The following TIGAR variants were observed in gnomAD, a reference collection of about 807,000 sequenced individuals.
The protein encoded by TIGAR is TP53 induced glycolysis regulatory phosphatase.
Under a neutral mutation model 17.9 loss-of-function variants are expected in TIGAR, and 7 were observed. The observed-to-expected ratio is 0.39, with a 90% CI of 0.22 to 0.73. The LOEUF (loss-of-function observed/expected upper bound fraction) is 0.73. TIGAR is among the 30% of genes least tolerant of loss of function. The probability of loss-of-function intolerance (pLI) is 0.42; values close to 1 mark genes in which losing one functional copy is unlikely to be tolerated. For synonymous variants in TIGAR, 94 were observed against 108.6 expected, an observed-to-expected ratio of 0.87 and a Z score of 0.84; for missense variants, 258 against 327.4, an observed-to-expected ratio of 0.79 and a Z score of 1.64.
intron 1 of TIGAR, chr12:4,324,246 A>G (rs1864511602): frequency 1.6e-6 from 1 of 613,710 alleles, no homozygotes; most frequent in Admixed American, 2.9e-5. Flanking sequence ...CCTATCCAGC[A>G]CTACTGAAGG....
At position 4,352,428 on chromosome 12, in the gene TIGAR, A is replaced by C. The variant is rs146134651; in HGVS notation, c.550A>C (p.Ser184Arg). Residue 184 changes from serine (S) to arginine (R), a missense_variant, in exon 6 of 6, where the codon AGC becomes CGC. By Grantham distance (110) the Ser-to-Arg change is moderately radical (BLOSUM62 -1). Coordinates refer to ENST00000179259, the MANE Select transcript of TIGAR (RefSeq NM_020375.3). Reference sequence around the variant, plus strand: ...TCACAGCTCTAAAGTTAATTCAGACAGCGGTATTCCAGGATTAGCAGCCAG... The same window carrying C: ...TCACAGCTCTAAAGTTAATTCAGACCGCGGTATTCCAGGATTAGCAGCCAG... ...KNHSSKVNSD[S>R]GIPGLAASVL... The C allele has an allele frequency of 7.1e-5, 114 of 1,614,204 alleles. No homozygotes were observed. The African/African-American group carries it at 1.3e-3, about 18-fold the overall frequency.
chr12:4,354,758 G>GTC lies in TIGAR; in HGVS notation c.*2075_*2076dup, dbSNP rs1565452141. ...CTTTTTTTTTTTTTTTGGAGACAGA[G>GTC]TCTCTCTCTGTTGCCCAGGCTGGGG... On this transcript the variant is annotated 3_prime_UTR_variant, in exon 6 of 6. Transcript: ENST00000179259. Among the ~76,000 whole-genome samples, 3 of 144,396 alleles carry GTC rather than the reference G, an allele frequency of 2.1e-5. No homozygotes were observed. Among genetic ancestry groups the GTC allele is most frequent in the African/African-American group, 7.7e-5 (3 of 38,792 alleles). 94.7% of individuals were successfully genotyped at this position (144,396 alleles called of 152,430 possible).
chr12:4,321,238 C>A lies in TIGAR; in HGVS notation c.-34C>A, dbSNP rs758697931. On this transcript the variant is annotated 5_prime_UTR_variant, in exon 1 of 6. Coordinates refer to ENST00000179259, the MANE Select transcript of TIGAR (RefSeq NM_020375.3). The surrounding 1 kb of genome is among the most constrained non-coding windows in gnomAD (Gnocchi z 5.2). ...AGCCCGCAGTGCAGGGGCAGCGCGGCGCGGGGCCACCGACGGGACGCGGCT... is the reference window on the plus strand; with the variant it reads ...AGCCCGCAGTGCAGGGGCAGCGCGGAGCGGGGCCACCGACGGGACGCGGCT... 5.6e-6 allele frequency: 9 copies of A among 1,599,142 alleles called. No homozygotes were observed. In the East Asian group the frequency reaches 1.1e-4, roughly 20 times the overall value.
Position 4,358,223 on chromosome 12 carries a change from C to G in TIGAR, c.*5532C>G, listed in dbSNP as rs1241023353. 6.6e-6 allele frequency among the ~76,000 whole-genome samples: 1 copy of G among 150,444 alleles called. No homozygotes were observed. Among genetic ancestry groups the G allele is most frequent in the Non-Finnish European group, 1.5e-5 (1 of 67,292 alleles). On this transcript the variant is annotated 3_prime_UTR_variant, in exon 6 of 6. Transcript: ENST00000179259. The stretch of plus-strand genomic sequence containing the variant: ...ATTACCTGAGGTCAGGAGTTCAAGA[C>G]CAGCCTGGCCAACATGGTGAAACCC...
intron 3 of TIGAR, among the ~76,000 whole-genome samples, chr12:4,340,288 G>A (rs911782171): frequency 1.3e-5 from 2 of 152,102 alleles, no homozygotes; most frequent in Non-Finnish European, 1.5e-5. Context: ...AAAAGAAGAA[G>A]TAATCTCATT....
chr12:4,352,729 C>A lies in TIGAR; in HGVS notation c.*38C>A. The A allele has an allele frequency of 6.4e-7, 1 of 1,559,502 alleles. No homozygotes were observed. Among genetic ancestry groups the A allele is most frequent in the Non-Finnish European group, 8.6e-7 (1 of 1,157,072 alleles). On this transcript the variant is annotated 3_prime_UTR_variant, in exon 6 of 6. Transcript: ENST00000179259. ...ATCAAAATCTAACCATTTTGAGCCT[C>A]TGAAGGGAGTGCCATTGGCTTTATT...
At chr12:4,340,746 T>C (rs778861752) in intron 3 of TIGAR, among the ~76,000 whole-genome samples, 1 of 152,180 alleles carries the variant, frequency 6.6e-6, no homozygotes, top group African/African-American at 2.4e-5. Context: ...AATCCATGCA[T>C]CTGCAGCAAA....
chr12:4,342,675 C>T (rs1261331279), intron 3 of TIGAR, among the ~76,000 whole-genome samples: 1 of 152,134 alleles, frequency 6.6e-6, no homozygotes, highest in Non-Finnish European at 1.5e-5. Context: ...CCTTTACAGA[C>T]AAGCAAATGC....
rs966695830 is a variant in TIGAR, at chr12:4,358,813, C to T, written c.*6122C>T. On this transcript the variant is annotated 3_prime_UTR_variant, in exon 6 of 6. Coordinates refer to ENST00000179259, the MANE Select transcript of TIGAR (RefSeq NM_020375.3). ...GTTGTCATGTTTCTTCATGTCCTTC[C>T]GTCTACTCCTTTGCCTTCCTTTGCC... Among the ~76,000 whole-genome samples, 9 of 151,590 alleles carry T rather than the reference C, an allele frequency of 5.9e-5. No homozygotes were observed. Among genetic ancestry groups the T allele is most frequent in the Admixed American group, 2.6e-4 (4 of 15,208 alleles).
At chr12:4,324,694 G>A (rs1415844257) in intron 1 of TIGAR, 2 of 913,526 alleles carry the variant, frequency 2.2e-6, no homozygotes, top group Non-Finnish European at 3.5e-6. Context: ...CCGCTGGCAC[G>A]CACTGTACAG....
At chr12:4,322,106 C>T (rs1178464207) in intron 1 of TIGAR, among the ~76,000 whole-genome samples, 1 of 152,164 alleles carries the variant, frequency 6.6e-6, no homozygotes, top group Non-Finnish European at 1.5e-5. Flanking sequence ...AAGCGATTCT[C>T]CTGCTTCAGC....
At chr12:4,325,871 G>A (rs892747593) in intron 1 of TIGAR, among the ~76,000 whole-genome samples, 2 of 152,274 alleles carry the variant, frequency 1.3e-5, no homozygotes, top group East Asian at 1.9e-4. Flanking sequence ...TATCAGGTGA[G>A]GGTTTACATT....
chr12:4,321,875 CAAAT>C lies in TIGAR; in HGVS notation c.32+577_32+580del, dbSNP rs1864481987. ...CTGATCTCAGCAGACCGTATCATCCCAAATAAATGTTTTTATTATCATAACGTTA... is the reference window on the plus strand; with the variant it reads ...CTGATCTCAGCAGACCGTATCATCCCAAATGTTTTTATTATCATAACGTTA... On this transcript the variant is annotated intron_variant, in intron 1 of 5. Coordinates refer to ENST00000179259, the MANE Select transcript of TIGAR (RefSeq NM_020375.3). This position sits in a 1 kb window ranked among gnomAD's most constrained non-coding sequence, Gnocchi z 5.2. 2.0e-5 allele frequency among the ~76,000 whole-genome samples: 3 copies of C among 152,286 alleles called. No individual in the cohort carries two copies. In the South Asian group the frequency reaches 6.2e-4, roughly 32 times the overall value.
rs1405831898 is a variant in TIGAR at position 4,354,416 on chromosome 12, C to G, written c.*1725C>G. The G allele has an allele frequency of 2.0e-5, 3 of 152,026 alleles. No individual in the cohort carries two copies. Among genetic ancestry groups the G allele is most frequent in the Non-Finnish European group, 4.4e-5 (3 of 68,024 alleles). The allele number at this position is 152,026 out of a possible 1,614,324, so 9.4% of individuals were successfully genotyped here. ...AAAGTAGAGTTCTCTTTAACCAGCT[C>G]TCACAGTCCTGTTCCCTCCAGAGGC... On this transcript the variant is annotated 3_prime_UTR_variant, in exon 6 of 6. Coordinates refer to ENST00000179259, the MANE Select transcript of TIGAR (RefSeq NM_020375.3).
intron 3 of TIGAR, among the ~76,000 whole-genome samples, chr12:4,337,472 A>G (rs892188849): frequency 2.0e-5 from 3 of 152,212 alleles, no homozygotes; most frequent in Non-Finnish European, 2.9e-5. Flanking sequence ...AGGTGAGTTT[A>G]GAGTCAAGGT....
Position 4,352,320 on chromosome 12 carries a change from G to A in TIGAR, c.442G>A (p.Asp148Asn). 3 of 1,614,030 alleles carry A rather than the reference G, an allele frequency of 1.9e-6. No individual in the cohort carries two copies. The highest frequency in any genetic ancestry group is 2.5e-6 in the Non-Finnish European group (3 of 1,179,980). The change falls in exon 6 of 6, where the codon GAT (aspartate) becomes AAT (asparagine). Residue 148 changes from aspartate to asparagine, a missense_variant. By Grantham distance (23) the Asp-to-Asn change is conservative. Coordinates refer to ENST00000179259, the MANE Select transcript of TIGAR (RefSeq NM_020375.3). ...FLCQLILKEA[D>N]QKEQFSQGSP... ...TTGTCAACTAATCCTGAAAGAAGCG[G>A]ATCAAAAAGAACAGTTTTCCCAAGG...
At chr12:4,332,953 A>G (rs1430642411) in intron 2 of TIGAR, among the ~76,000 whole-genome samples, 1 of 152,158 alleles carries the variant, frequency 6.6e-6, no homozygotes, top group Non-Finnish European at 1.5e-5. Flanking sequence ...TTGCCCTTTA[A>G]TACTTGGAAT....
At chr12:4,340,017 A>T (rs551300176) in intron 3 of TIGAR, among the ~76,000 whole-genome samples, 27 of 152,368 alleles carry the variant, frequency 1.8e-4, no homozygotes, top group Non-Finnish European at 3.4e-4. Flanking sequence ...CAAGACAAGG[A>T]TGCCCATTTT....
chr12:4,350,910 A>G (rs1864831686), intron 4 of TIGAR, among the ~76,000 whole-genome samples: 1 of 152,150 alleles, frequency 6.6e-6, no homozygotes, highest in South Asian at 2.1e-4. Flanking sequence ...ATGGTGTAGT[A>G]TGTGTGGATG....
Sources: gnomAD v4.1 joint callset for allele counts (sites outside exome capture counted in the v4.1 genomes callset) on GRCh38, gnomAD v4.1.1 for gene constraint, Gnocchi (gnomAD v3.1) non-coding constraint, MANE v1.5 for transcripts, NCBI Gene and HGNC (gene_info 2026-07-23, HGNC 2026-07-21) for gene names.